The following PRKG1 variants were observed in gnomAD, a reference collection of about 807,000 sequenced individuals.
PRKG1 encodes cGMP-dependent protein kinase 1.
Under a neutral mutation model 88.1 loss-of-function variants are expected in PRKG1, and 35 were observed. The observed-to-expected ratio is 0.40, with a 90% CI of 0.30 to 0.53. The LOEUF is 0.53. Among genes scored for constraint, PRKG1 ranks in the 20% least tolerant of loss-of-function variants. The pLI, the probability that PRKG1 is intolerant of heterozygous loss-of-function variation, is 0.59. For missense variants in PRKG1, 540 were observed against 839.8 expected (o/e 0.64, Z 4.41); for synonymous variants, 303 against 292.5 (o/e 1.04, Z -0.37).
chr10:51,909,941 C>A (rs556369756), intron 5 of PRKG1: 2 of 152,156 alleles, frequency 1.3e-5, no homozygotes, highest in African/African-American at 4.8e-5. Context: ...TGAGTAAGCA[C>A]AAGAGAATAG....
intron 9 of PRKG1, among the ~76,000 whole-genome samples, chr10:52,224,808 C>CATATATATATAGATATATATATAT (rs1840342679): frequency 9.4e-6 from 1 of 106,370 alleles, no homozygotes; most frequent in Non-Finnish European, 1.9e-5. Flanking sequence ...AGTATTCCAT[C>CATATATATATAGATATATATATAT]ATATATATAT....
At chr10:51,230,017 A>G (rs969351957) in intron 2 of PRKG1, among the ~76,000 whole-genome samples, 1 of 152,072 alleles carries the variant, frequency 6.6e-6, no homozygotes, top group Non-Finnish European at 1.5e-5. Flanking sequence ...CCTAATTTTA[A>G]CTAAGCAATA....
intron 3 of PRKG1, among the ~76,000 whole-genome samples, chr10:51,755,488 A>G (rs1182008380): frequency 6.6e-6 from 1 of 152,228 alleles, no homozygotes; most frequent in Non-Finnish European, 1.5e-5. Context: ...CAGCAATAGC[A>G]ACAGCAGCAG....
chr10:51,524,422 A>G (rs538935392), intron 3 of PRKG1, among the ~76,000 whole-genome samples: 21 of 152,332 alleles, frequency 1.4e-4, no homozygotes, highest in African/African-American at 5.1e-4. Flanking sequence ...CAAAACTGCC[A>G]TTCTTGGACA....
intron 5 of PRKG1, among the ~76,000 whole-genome samples, chr10:52,006,903 C>T (rs1479586251): frequency 6.6e-6 from 1 of 152,060 alleles, no homozygotes; most frequent in Admixed American, 6.6e-5. Flanking sequence ...ACAAAGGGAA[C>T]CCCATCTGGC....
At chr10:51,585,672 C>T (rs1004160913) in intron 3 of PRKG1, among the ~76,000 whole-genome samples, 4 of 152,008 alleles carry the variant, frequency 2.6e-5, no homozygotes, top group South Asian at 2.1e-4. Context: ...TGAACTTGTA[C>T]GTTCATCACA....
chr10:51,744,744 G>A (rs773598435), intron 3 of PRKG1, among the ~76,000 whole-genome samples: 2 of 152,158 alleles, frequency 1.3e-5, no homozygotes, highest in African/African-American at 2.4e-5. Flanking sequence ...TACAGTAAAT[G>A]TTAGGAAAAA....
intron 2 of PRKG1, among the ~76,000 whole-genome samples, chr10:51,432,607 T>C (rs1299884232): frequency 1.3e-5 from 2 of 152,112 alleles, no homozygotes; most frequent in Non-Finnish European, 2.9e-5. Flanking sequence ...CAAGTGGCAA[T>C]AGTCGCTGGA....
chr10:51,495,332 T>A (rs937981752), intron 3 of PRKG1, among the ~76,000 whole-genome samples: 1 of 152,186 alleles, frequency 6.6e-6, no homozygotes, highest in East Asian at 1.9e-4. Flanking sequence ...TGACCTCAAG[T>A]GGTCTGCCCG....
At chr10:52,239,128 A>C (rs1351037856) in intron 9 of PRKG1, among the ~76,000 whole-genome samples, 19 of 112,994 alleles carry the variant, frequency 1.7e-4, no homozygotes, top group African/African-American at 6.3e-4. Flanking sequence ...CAATGAGATC[A>C]CATGGACACA....
At chr10:51,269,457 A>G (rs1365305741) in intron 2 of PRKG1, among the ~76,000 whole-genome samples, 1 of 152,236 alleles carries the variant, frequency 6.6e-6, no homozygotes, top group African/African-American at 2.4e-5. Flanking sequence ...GAAGTATGGA[A>G]CCAACTTAAA....
chr10:51,281,176 G>A (rs1027325486), intron 2 of PRKG1, among the ~76,000 whole-genome samples: 22 of 152,152 alleles, frequency 1.4e-4, no homozygotes, highest in African/African-American at 2.2e-4. Flanking sequence ...GCAGAACAGC[G>A]GATATTGGTG....
chr10:51,678,232 T>C (rs1324691876), intron 3 of PRKG1, among the ~76,000 whole-genome samples: 1 of 152,050 alleles, frequency 6.6e-6, no homozygotes, highest in Non-Finnish European at 1.5e-5. Flanking sequence ...TGGGGCTCCC[T>C]ACAAGCAACA....
chr10:52,064,687 C>G (rs1846315748), intron 7 of PRKG1, among the ~76,000 whole-genome samples: 1 of 152,186 alleles, frequency 6.6e-6, no homozygotes, highest in African/African-American at 2.4e-5. Flanking sequence ...GATGCCTGGG[C>G]CCACAGTCGT....
At chr10:51,959,469 GA>G (rs1210607478) in intron 5 of PRKG1, among the ~76,000 whole-genome samples, 4 of 152,164 alleles carry the variant, frequency 2.6e-5, no homozygotes, top group Admixed American at 1.3e-4. Flanking sequence ...TAGCATACAA[GA>G]GACAAGACTG....
intron 2 of PRKG1, among the ~76,000 whole-genome samples, chr10:51,304,927 G>A (rs1180458417): frequency 6.6e-6 from 1 of 151,750 alleles, no homozygotes. Flanking sequence ...TTACTTGTAA[G>A]GGGTAGAGAG....
chr10:51,214,635 C>T (rs1422840277), intron 2 of PRKG1, among the ~76,000 whole-genome samples: 1 of 151,840 alleles, frequency 6.6e-6, no homozygotes, highest in Non-Finnish European at 1.5e-5. Context: ...TTGCCACACC[C>T]CCAGCTATAT....
chr10:51,541,001 G>A (rs1039251388), intron 3 of PRKG1, among the ~76,000 whole-genome samples: 5 of 152,170 alleles, frequency 3.3e-5, no homozygotes, highest in African/African-American at 7.2e-5. Flanking sequence ...ACAGGCGTGA[G>A]CCACCACATC....
chr10:52,023,360 G>A (rs1159504799), intron 5 of PRKG1, among the ~76,000 whole-genome samples: 1 of 152,188 alleles, frequency 6.6e-6, no homozygotes, highest in Admixed American at 6.5e-5. Context: ...ATTGTGAACA[G>A]TGCCACAACA....
Sources: allele counts gnomAD v4.1 joint callset (sites outside exome capture counted in the v4.1 genomes callset), GRCh38; gene constraint gnomAD v4.1.1; transcripts MANE v1.5; gene names NCBI Gene and HGNC (gene_info 2026-07-23, HGNC 2026-07-21).